The following GMDS variants were observed in gnomAD, a reference collection of about 807,000 sequenced individuals.
GMDS encodes GDP-mannose 4,6-dehydratase.
A neutral mutation model predicts 49.9 loss-of-function variants in GMDS; 20 were observed. The ratio of observed to expected loss-of-function variants is 0.40; its 90% CI spans 0.28 to 0.58. The LOEUF (loss-of-function observed/expected upper bound fraction) is 0.58, where lower values mean the gene tolerates loss of function less well. Ranked by LOEUF, GMDS falls within the 20% of genes least tolerant of loss-of-function variation. The pLI is 0.42. For synonymous variants in GMDS, 177 were observed against 178.6 expected, an observed-to-expected ratio of 0.99 and a Z score of 0.07; for missense variants, 362 against 481.4, an observed-to-expected ratio of 0.75 and a Z score of 2.32.
Position 2,224,438 on chromosome 6 carries a change from T to C in GMDS, c.102+20883A>G, listed in dbSNP as rs116077350. On this transcript the variant is annotated intron_variant, in intron 1 of 10. Coordinates refer to ENST00000380815, the MANE Select transcript of GMDS (RefSeq NM_001500.4). The stretch of plus-strand genomic sequence containing the variant: ...CAACTTGGCATTTTCAGTTTGGTGA[T>C]GATGTTGGAAACTGTTTTCAATTTG... Among the ~76,000 whole-genome samples, 407 of 152,370 alleles carry C rather than the reference T, an allele frequency of 2.7e-3. 5 individuals carry two copies. The highest frequency in any genetic ancestry group is 6.8e-3 in the Middle Eastern group (2 of 294).
At chr6:2,052,656 C>G (rs1408371552) in intron 4 of GMDS, among the ~76,000 whole-genome samples, 1 of 152,174 alleles carries the variant, frequency 6.6e-6, no homozygotes, top group Non-Finnish European at 1.5e-5. Context: ...ATGGTCTAGA[C>G]CAAGAGCATA....
At chr6:1,779,624 A>G (rs1365745064) in intron 7 of GMDS, among the ~76,000 whole-genome samples, 1 of 152,030 alleles carries the variant, frequency 6.6e-6, no homozygotes, top group African/African-American at 2.4e-5. Flanking sequence ...ATAGGAAATG[A>G]CCCCAAAAGC....
chr6:2,245,273 C>T (rs754061144), intron 1 of GMDS, 48 bp downstream of exon 1: 3 of 1,256,938 alleles, frequency 2.4e-6, no homozygotes, highest in African/African-American at 3.0e-5. Context: ...AGGGAGAGCA[C>T]GCGTGCCCAG....
intron 9 of GMDS, among the ~76,000 whole-genome samples, chr6:1,632,550 T>C (rs1411535502): frequency 2.6e-5 from 4 of 152,164 alleles, no homozygotes; most frequent in Admixed American, 1.3e-4. Context: ...AGTTCAACAT[T>C]TGTGCATTTC....
intron 4 of GMDS, among the ~76,000 whole-genome samples, chr6:2,025,130 A>C (rs1256937470): frequency 6.6e-6 from 1 of 152,116 alleles, no homozygotes; most frequent in Non-Finnish European, 1.5e-5. Context: ...CATTTAGGAA[A>C]AGATACTAAA....
chr6:1,725,376 T>A (rs1419939958), intron 9 of GMDS, among the ~76,000 whole-genome samples: 1 of 152,200 alleles, frequency 6.6e-6, no homozygotes, highest in Non-Finnish European at 1.5e-5. Context: ...AATTCGCCCA[T>A]CCATCTAGCA....
chr6:1,924,200 G>A (rs1202174909), intron 7 of GMDS, among the ~76,000 whole-genome samples: 5 of 152,182 alleles, frequency 3.3e-5, no homozygotes, highest in Admixed American at 2.0e-4. Context: ...TGGCAATTAC[G>A]TTTATTTCTA....
At chr6:2,113,235 C>A (rs1241572091) in intron 4 of GMDS, among the ~76,000 whole-genome samples, 1 of 152,030 alleles carries the variant, frequency 6.6e-6, no homozygotes, top group Non-Finnish European at 1.5e-5. Flanking sequence ...CTCTAGTGAC[C>A]ACATCAGTGC....
chr6:2,168,332 G>A (rs1426295892), intron 1 of GMDS, among the ~76,000 whole-genome samples: 3 of 152,148 alleles, frequency 2.0e-5, no homozygotes, highest in Admixed American at 6.5e-5. Flanking sequence ...CCTTGATACC[G>A]GACAGCTTCA....
Position 2,175,960 on chromosome 6 carries a change from T to C in GMDS, c.103-51229A>G, listed in dbSNP as rs760965010. 35 of 1,526,062 alleles carry C rather than the reference T, an allele frequency of 2.3e-5. No individual in the cohort carries two copies. The South Asian group carries it at 4.2e-4, about 18-fold the overall frequency. 94.5% of individuals were successfully genotyped at this position (1,526,062 alleles called of 1,614,324 possible). ...TTTACACATGAGGAACCAGAGGCAATGGTAACGCTCCCAACAAACTGCCTG... is the reference window on the plus strand; with the variant it reads ...TTTACACATGAGGAACCAGAGGCAACGGTAACGCTCCCAACAAACTGCCTG... On this transcript the variant is annotated intron_variant, in intron 1 of 10. Coordinates refer to ENST00000380815, the MANE Select transcript of GMDS (RefSeq NM_001500.4).
intron 4 of GMDS, among the ~76,000 whole-genome samples, chr6:2,070,399 C>T (rs149501273): frequency 4.0e-4 from 61 of 151,552 alleles, no homozygotes; most frequent in African/African-American, 1.3e-3. Context: ...GCACATGTAC[C>T]GTAAAACCTA....
intron 7 of GMDS, among the ~76,000 whole-genome samples, chr6:1,911,116 G>C (rs758789502): frequency 2.0e-5 from 3 of 152,102 alleles, no homozygotes; most frequent in African/African-American, 4.8e-5. Context: ...CCATATATTT[G>C]ATGTGGGTAA....
At chr6:2,096,875 A>G (rs150948838) in intron 4 of GMDS, among the ~76,000 whole-genome samples, 113 of 152,308 alleles carry the variant, frequency 7.4e-4, no homozygotes, top group African/African-American at 2.6e-3. Flanking sequence ...TATTACATGT[A>G]TGTGTACACA....
At position 2,058,756 on chromosome 6, in the gene GMDS, C is replaced by T. The variant is rs191399917; in HGVS notation, c.345+57015G>A. 4.6e-3 allele frequency among the ~76,000 whole-genome samples: 695 copies of T among 152,280 alleles called. 3 individuals carry two copies. The highest frequency in any genetic ancestry group is 0.016 in the African/African-American group (674 of 41,538). On this transcript the variant is annotated intron_variant, in intron 4 of 10. Coordinates refer to ENST00000380815, the MANE Select transcript of GMDS (RefSeq NM_001500.4). ...AATATTGTCATGTGAGTCAGAGCGACGGCTGCGAAGGAGATCCAGACCTTC... is the reference window on the plus strand; with the variant it reads ...AATATTGTCATGTGAGTCAGAGCGATGGCTGCGAAGGAGATCCAGACCTTC...
intron 9 of GMDS, among the ~76,000 whole-genome samples, chr6:1,718,144 T>C (rs1766237284): frequency 6.6e-6 from 1 of 152,120 alleles, no homozygotes; most frequent in Non-Finnish European, 1.5e-5. Flanking sequence ...CACACTCTTT[T>C]TCCCCCCTAG....
At chr6:1,685,940 G>T (rs549218074) in intron 9 of GMDS, among the ~76,000 whole-genome samples, 1 of 152,178 alleles carries the variant, frequency 6.6e-6, no homozygotes. Context: ...CTTTGGCATA[G>T]ACGTGCATGC....
intron 7 of GMDS, among the ~76,000 whole-genome samples, chr6:1,902,871 C>A (rs748810252): frequency 6.6e-6 from 1 of 152,122 alleles, no homozygotes; most frequent in Non-Finnish European, 1.5e-5. Context: ...AGAATTTAAA[C>A]ATCAATATAA....
At chr6:2,137,714 ATAT>A (rs1776081033) in intron 1 of GMDS, among the ~76,000 whole-genome samples, 1 of 152,170 alleles carries the variant, frequency 6.6e-6, no homozygotes, top group Non-Finnish European at 1.5e-5. Context: ...GTTGGAGTAA[ATAT>A]TATGCTATAG....
At chr6:2,208,917 C>T (rs1391190485) in intron 1 of GMDS, among the ~76,000 whole-genome samples, 2 of 150,798 alleles carry the variant, frequency 1.3e-5, no homozygotes, top group Non-Finnish European at 2.9e-5. Context: ...GTAACAACTA[C>T]GTGTCTGACC....
Sources: allele counts gnomAD v4.1 joint callset (sites outside exome capture counted in the v4.1 genomes callset), GRCh38; gene constraint gnomAD v4.1.1; transcripts MANE v1.5; gene names NCBI Gene and HGNC (gene_info 2026-07-23, HGNC 2026-07-21).